Variants in ZNF880 observed in about 807,000 individuals in gnomAD.
The protein encoded by ZNF880 is zinc finger protein LOC400713.
A neutral mutation model predicts 11.8 loss-of-function variants in ZNF880; 12 were observed. The observed-to-expected ratio is 1.02, with a 90% confidence interval of 0.65 to 1.65. The LOEUF is 1.65. ZNF880 is among the 40% of genes most tolerant of loss of function. The pLI, the probability that ZNF880 is intolerant of heterozygous loss-of-function variation, is 0.00. For synonymous variants in ZNF880, 210 were observed against 232.4 expected (o/e 0.90, Z 0.88); for missense variants, 601 against 673.9 (o/e 0.89, Z 1.20).
chr19:52,371,918 G>A (rs886100915), intron 1 of ZNF880, among the ~76,000 whole-genome samples: 1 of 152,056 alleles, frequency 6.6e-6, no homozygotes, highest in African/African-American at 2.4e-5. Flanking sequence ...GGCTGGGTGA[G>A]GTAGCTTACG....
At chr19:52,373,021 T>C in intron 1 of ZNF880, 90 bp from the exon 2 acceptor site, 1 of 1,372,732 alleles carries the variant, frequency 7.3e-7, no homozygotes, top group Non-Finnish European at 1.0e-6. Flanking sequence ...CGTGGATTTG[T>C]CAGAACATCC....
At chr19:52,373,748 A>G (rs1986465888) in intron 2 of ZNF880, among the ~76,000 whole-genome samples, 1 of 140,778 alleles carries the variant, frequency 7.1e-6, no homozygotes, top group South Asian at 2.2e-4. Context: ...ATCTCAGCTC[A>G]ATGCAACCTC....
At chr19:52,390,481 T>A (rs1238276849), downstream of ZNF880, 2 of 217,036 alleles carry the variant, frequency 9.2e-6, no homozygotes, top group Admixed American at 5.7e-5. Context: ...GGGACGTGAC[T>A]TCTATCTCAG....
At chr19:52,379,870 T>C (rs10445586) in intron 3 of ZNF880, 54,934 of 151,908 alleles carry the variant, frequency 0.36, 10,225 homozygotes, top group South Asian at 0.51. Context: ...TGATTTTGGA[T>C]TATTTGAGAA....
At chr19:52,382,971 A>G (rs565517567) in intron 3 of ZNF880, among the ~76,000 whole-genome samples, 21 of 152,000 alleles carry the variant, frequency 1.4e-4, no homozygotes, top group Admixed American at 4.6e-4. Flanking sequence ...TTTCTTCATC[A>G]TTTTTTCTTT....
At chr19:52,392,048 G>A in the ZNF880 span, among the ~76,000 whole-genome samples, 1 of 152,112 alleles carries the variant, frequency 6.6e-6, no homozygotes, top group African/African-American at 2.4e-5. Flanking sequence ...GTTAGCATTA[G>A]ATCTCACAGG....
chr19:52,384,497 A>G lies in ZNF880; in HGVS notation c.917A>G (p.Asn306Ser). The change falls in exon 4 of 4, where the codon AAC (asparagine) becomes AGC (serine). Residue 306 changes from asparagine (N) to serine (S), a missense_variant. By Grantham distance (46) the Asn-to-Ser change is conservative (BLOSUM62 1). Around this residue, in one of 3 missense-constraint regions of ZNF880, gnomAD observed 420 missense variants for 442.6 expected, o/e 0.95. Transcript: ENST00000422689. ...YKCNECGKVFNRNAHLARHQK... is the reference protein window; with the variant it reads ...YKCNECGKVFSRNAHLARHQK... ...TGTAATGAGTGTGGCAAGGTCTTCA[A>G]CAGAAATGCACACCTTGCACGACAT... 6.2e-7 allele frequency: 1 copy of G among 1,613,448 alleles called. No individual in the cohort carries two copies. Among genetic ancestry groups the G allele is most frequent in the Non-Finnish European group, 8.5e-7 (1 of 1,179,784 alleles).
chr19:52,389,427 G>A (rs1006552175), downstream of ZNF880: 1 of 124,578 alleles, frequency 8.0e-6, no homozygotes, highest in African/African-American at 3.1e-5. Flanking sequence ...ATGCCAGTCT[G>A]AAATCCAGCA....
intron 2 of ZNF880, 84 bp downstream of exon 2, chr19:52,373,321 TC>T: frequency 7.1e-7 from 1 of 1,400,436 alleles, no homozygotes; most frequent in Non-Finnish European, 9.7e-7. Context: ...ATCTTAGGAG[TC>T]ACTGTATTGC....
chr19:52,372,865 G>A (rs557096332), intron 1 of ZNF880, among the ~76,000 whole-genome samples: 3,732 of 141,404 alleles, frequency 0.026, 154 homozygotes, highest in African/African-American at 0.095. Context: ...AGCCAGGATC[G>A]CGCCACTGCA....
At chr19:52,373,381 T>G in intron 2 of ZNF880, 144 bp downstream of exon 2, 1 of 721,352 alleles carries the variant, frequency 1.4e-6, no homozygotes, top group East Asian at 2.9e-5. Flanking sequence ...ACCTCCATAA[T>G]GCTTTATAAT....
chr19:52,373,380 A>G, intron 2 of ZNF880, 143 bp downstream of exon 2: 1 of 714,622 alleles, frequency 1.4e-6, no homozygotes, highest in Non-Finnish European at 2.2e-6. Flanking sequence ...AACCTCCATA[A>G]TGCTTTATAA....
In ZNF880 at chr19:52,385,477, G is replaced by A; in HGVS notation, c.*163G>A. Reference sequence around the variant, plus strand: ...CATACTAAAGAGAAATCATAGCAATGTATGTGAATCAGGTCTCTTGAGGCC... The same window carrying A: ...CATACTAAAGAGAAATCATAGCAATATATGTGAATCAGGTCTCTTGAGGCC... On this transcript the variant is annotated 3_prime_UTR_variant, in exon 4 of 4. Coordinates refer to ENST00000422689, the MANE Select transcript of ZNF880 (RefSeq NM_001145434.2). The A allele has an allele frequency of 2.3e-6, 2 of 853,160 alleles. No individual in the cohort carries two copies. Among genetic ancestry groups the A allele is most frequent in the Non-Finnish European group, 3.5e-6 (2 of 567,942 alleles). 52.8% of individuals were successfully genotyped at this position (853,160 alleles called of 1,614,324 possible).
the ZNF880 span, chr19:52,391,375 C>T: frequency 3.3e-5 from 5 of 150,274 alleles, no homozygotes; most frequent in African/African-American, 1.2e-4. Context: ...AAATTGGAGA[C>T]AAATATTGGG....
chr19:52,367,982 C>T (rs1210579925), upstream of ZNF880, among the ~76,000 whole-genome samples: 7 of 151,556 alleles, frequency 4.6e-5, no homozygotes, highest in South Asian at 1.5e-3. Flanking sequence ...GGGTGGATCA[C>T]GAGGTCAGGA....
intron 3 of ZNF880, 100 bp downstream of exon 3, chr19:52,374,527 A>T (rs1190786658): frequency 7.0e-7 from 1 of 1,425,722 alleles, no homozygotes; most frequent in African/African-American, 1.4e-5. Flanking sequence ...GGCAATCATC[A>T]GTGGCAATCG....
At chr19:52,389,030 G>A (rs1986972793), downstream of ZNF880, 1 of 152,138 alleles carries the variant, frequency 6.6e-6, no homozygotes, top group Non-Finnish European at 1.5e-5. Context: ...CATGAGAACA[G>A]CATGGGAAAA....
At chr19:52,370,163 G>T in intron 1 of ZNF880, 186 bp downstream of exon 1, 1 of 729,544 alleles carries the variant, frequency 1.4e-6, no homozygotes, top group South Asian at 1.7e-5. Context: ...TCGGAGGCTG[G>T]TCCTGTCCCC....
intron 3 of ZNF880, among the ~76,000 whole-genome samples, chr19:52,382,716 C>A (rs981057670): frequency 6.6e-6 from 1 of 152,056 alleles, no homozygotes; most frequent in Non-Finnish European, 1.5e-5. Context: ...GTTTCTTTGT[C>A]TTTGACTTTT....
Sources: allele counts gnomAD v4.1 joint callset (sites outside exome capture counted in the v4.1 genomes callset), GRCh38; gene constraint gnomAD v4.1.1; regional missense constraint gnomAD v4.1.1; transcripts MANE v1.5; gene names NCBI Gene and HGNC (gene_info 2026-07-23, HGNC 2026-07-21).